Variants in CENPE observed in about 807,000 individuals in gnomAD.
CENPE encodes centromere protein E, also known as centromere-associated protein E.
A neutral mutation model predicts 336.1 loss-of-function variants in CENPE; 145 were observed. The ratio of observed to expected loss-of-function variants is 0.43; its 90% CI spans 0.38 to 0.50. The LOEUF (loss-of-function observed/expected upper bound fraction) is 0.50. CENPE is among the 20% of genes least tolerant of loss of function. The pLI is 0.00. For synonymous variants in CENPE, 1,013 were observed against 984.8 expected (o/e 1.03, Z -0.54); for missense variants, 2,719 against 3,023.3 (o/e 0.90, Z 2.36).
At chr4:103,107,560 T>C (rs760090264) in intron 48 of CENPE, among the ~76,000 whole-genome samples, 1 of 152,180 alleles carries the variant, frequency 6.6e-6, no homozygotes, top group Non-Finnish European at 1.5e-5. Flanking sequence ...CTGTGCACAG[T>C]AGATGCTATG....
intron 42 of CENPE, among the ~76,000 whole-genome samples, chr4:103,123,972 A>G (rs1271927320): frequency 6.6e-6 from 1 of 152,222 alleles, no homozygotes; most frequent in Non-Finnish European, 1.5e-5. Context: ...AGTGCAGTAA[A>G]ATAAGATATT....
chr4:103,182,113 C>T (rs562261336), intron 11 of CENPE: 25 of 147,896 alleles, frequency 1.7e-4, no homozygotes, highest in African/African-American at 6.3e-4. Flanking sequence ...TGTTTTGAGA[C>T]ATAGTTTCGC....
rs1350270226 is a variant in CENPE at position 103,198,265 on chromosome 4, T to C, written c.55A>G (p.Arg19Gly). The change falls in exon 1 of 49, where the codon AGA becomes GGA. Residue 19 changes from arginine to glycine, a missense_variant and splice_region_variant. By Grantham distance (125) the Arg-to-Gly change is moderately radical (BLOSUM62 -2). Transcript: ENST00000265148. ...VCVRVRPLNS[R>G]EESLGETAQV... ...CGGGCCGTGGTGTGGCCCCCCTACC[T>C]GCTGTTCAGCGGCCGCACTCGCACG... is the stretch of plus-strand genomic sequence containing the variant. 1 of 1,550,426 alleles carries C rather than the reference T, an allele frequency of 6.4e-7. No individual in the cohort carries two copies. The highest frequency in any genetic ancestry group is 8.7e-7 in the Non-Finnish European group (1 of 1,146,800).
At position 103,157,433 on chromosome 4, in the gene CENPE, T is replaced by A. The variant is rs111940200; in HGVS notation, c.3033+867A>T. On this transcript the variant is annotated intron_variant, in intron 24 of 48. Transcript: ENST00000265148. ...TAAAAAGGAAGGAAATTCTAACACATGCTACAACATGGATGAAGACATTAT... is the reference window on the plus strand; with the variant it reads ...TAAAAAGGAAGGAAATTCTAACACAAGCTACAACATGGATGAAGACATTAT... Among the ~76,000 whole-genome samples the A allele has an allele frequency of 1.6e-3, 249 of 152,096 alleles. 3 individuals carry two copies. The highest frequency in any genetic ancestry group is 5.6e-3 in the African/African-American group (233 of 41,544).
chr4:103,122,939 C>G lies in CENPE; in HGVS notation c.7075G>C (p.Val2359Leu). 6.2e-7 allele frequency: 1 copy of G among 1,613,902 alleles called. No homozygotes were observed. Among genetic ancestry groups the G allele is most frequent in the Non-Finnish European group, 8.5e-7 (1 of 1,179,878 alleles). ...TTATTGTCTTGTGTGGTAGGATTAA[C>G]CTGGGCACCAGATGCCAAGGAAGTC... ...LKTSLASGAQ[V>L]NPTTQDNKNP... is the part of the protein sequence containing the mutation. Residue 2359 changes from valine to leucine, a missense_variant, in exon 43 of 49, where the codon GTT becomes CTT. Physicochemically the swap from Val to Leu is conservative, Grantham distance 32. Around this residue, in one of 5 missense-constraint regions of CENPE, gnomAD observed 2,437 missense variants for 2,513.3 expected, o/e 0.97. Coordinates refer to ENST00000265148, the MANE Select transcript of CENPE (RefSeq NM_001813.3).
intron 42 of CENPE, among the ~76,000 whole-genome samples, chr4:103,129,355 A>C (rs575332387): frequency 1.7e-4 from 26 of 152,316 alleles, no homozygotes; most frequent in Non-Finnish European, 2.8e-4. Context: ...ATAGAAACGG[A>C]AACTCATTCT....
At chr4:103,176,810 T>G in intron 14 of CENPE, 89 bp downstream of exon 14, 3 of 978,718 alleles carry the variant, frequency 3.1e-6, no homozygotes, top group Non-Finnish European at 4.4e-6. Context: ...TTAAACATGT[T>G]TATCACATTA....
chr4:103,106,930 C>A (rs1346350767), intron 48 of CENPE, among the ~76,000 whole-genome samples: 1 of 152,054 alleles, frequency 6.6e-6, no homozygotes, highest in Non-Finnish European at 1.5e-5. Flanking sequence ...CTGAATTGGT[C>A]AGTTTTTGAT....
chr4:103,140,699 TG>T, intron 36 of CENPE, 114 bp downstream of exon 36: 1 of 810,564 alleles, frequency 1.2e-6, no homozygotes, highest in Non-Finnish European at 1.9e-6. Context: ...TTATTATTGG[TG>T]GACACTTAGA....
Position 103,149,413 on chromosome 4 carries a change from A to G in CENPE, c.3397-5T>C, listed in dbSNP as rs1294813757. Reference sequence around the variant, plus strand: ...TTTTTCTTGGAGTTGCTGGCTCTTAAAATGCACAATTTTTATAATTACCAT... The same window carrying G: ...TTTTTCTTGGAGTTGCTGGCTCTTAGAATGCACAATTTTTATAATTACCAT... On this transcript the variant is annotated splice_region_variant and splice_polypyrimidine_tract_variant and intron_variant, in intron 26 of 48. Coordinates refer to ENST00000265148, the MANE Select transcript of CENPE (RefSeq NM_001813.3). 3.2e-6 allele frequency: 5 copies of G among 1,550,162 alleles called. No individual in the cohort carries two copies. The highest frequency in any genetic ancestry group is 4.4e-5 in the Admixed American group (2 of 45,780).
rs1233441617 is a variant in CENPE at position 103,133,702 on chromosome 4, T to C, written c.6713A>G (p.His2238Arg). The C allele has an allele frequency of 3.2e-6, 5 of 1,583,330 alleles. No homozygotes were observed. The African/African-American group carries it at 4.1e-5, about 13-fold the overall frequency. ...DLKLNQNMDL[H>R]IEEILKDFSE... ...ATTTAAAATAAATTATACCTCAATA[T>C]GTAGATCCATATTCTGGTTCAATTT... Residue 2238 changes from histidine (H) to arginine (R), a missense_variant, in exon 41 of 49, where the codon CAT becomes CGT. Physicochemically the swap from His to Arg is conservative, Grantham distance 29. This residue lies in a region of CENPE where 2,437 missense variants were observed against 2,513.3 expected (regional missense o/e 0.97). Transcript: ENST00000265148.
chr4:103,125,922 A>C (rs1751055574), intron 42 of CENPE, among the ~76,000 whole-genome samples: 1 of 151,908 alleles, frequency 6.6e-6, no homozygotes, highest in Non-Finnish European at 1.5e-5. Context: ...AAAACAAATG[A>C]AAAAAATCCA....
At chr4:103,124,250 T>C (rs1262492495) in intron 42 of CENPE, among the ~76,000 whole-genome samples, 1 of 152,226 alleles carries the variant, frequency 6.6e-6, no homozygotes, top group African/African-American at 2.4e-5. Flanking sequence ...AAGTTCATTA[T>C]TTAGAACATT....
Position 103,108,863 on chromosome 4 carries a change from A to T in CENPE, c.7951T>A (p.Ser2651Thr). ...CGAACTGGATGAGGTGATGGTAAAG[A>T]CTTTGATCGGCTATCAAAAAAACAA... ...KSCFFDSRSKSLPSPHPVRYF... is the reference protein window; with the variant it reads ...KSCFFDSRSKTLPSPHPVRYF... Residue 2651 changes from serine (S) to threonine (T), a missense_variant, in exon 48 of 49, where the codon TCT becomes ACT. This residue lies in a region of CENPE where 2,437 missense variants were observed against 2,513.3 expected (regional missense o/e 0.97). Transcript: ENST00000265148. The T allele has an allele frequency of 1.2e-6, 2 of 1,613,926 alleles. No individual in the cohort carries two copies. Among genetic ancestry groups the T allele is most frequent in the Non-Finnish European group, 1.7e-6 (2 of 1,179,844 alleles).
chr4:103,108,548 T>C (rs1749100511), intron 48 of CENPE, among the ~76,000 whole-genome samples: 1 of 152,008 alleles, frequency 6.6e-6, no homozygotes, highest in Non-Finnish European at 1.5e-5. Flanking sequence ...AGAAAGTTGC[T>C]TGTCTCTCTT....
chr4:103,141,051 G>A lies in CENPE; in HGVS notation c.5517C>T (p.Val1839=). 1.3e-6 allele frequency: 2 copies of A among 1,590,756 alleles called. No homozygotes were observed. The highest frequency in any genetic ancestry group is 1.7e-6 in the Non-Finnish European group (2 of 1,165,910). The change falls in exon 36 of 49, where the codon GTC becomes GTT. Residue 1839 remains valine, a synonymous_variant. Transcript: ENST00000265148. Reference sequence around the variant, plus strand: ...CAGACACTTTTTTCTGTGTCTCATTGACATCTTTTTTTAACGTAATAAGTT... The same window carrying A: ...CAGACACTTTTTTCTGTGTCTCATTAACATCTTTTTTTAACGTAATAAGTT... ...EHQLITLKKD[V]NETQKKVSEM...
chr4:103,172,600 A>T (rs1415568080), intron 16 of CENPE, among the ~76,000 whole-genome samples: 1 of 152,010 alleles, frequency 6.6e-6, no homozygotes, highest in African/African-American at 2.4e-5. Context: ...TTCTAGCTAG[A>T]GCTATTAGGC....
At chr4:103,160,374 T>C (rs1237767282) in intron 21 of CENPE, among the ~76,000 whole-genome samples, 3 of 151,922 alleles carry the variant, frequency 2.0e-5, no homozygotes, top group Admixed American at 6.6e-5. Context: ...ACTACAGAAA[T>C]GGCTGCTACA....
Position 103,159,115 on chromosome 4 carries a change from C to T in CENPE, c.2496G>A (p.Lys832=), listed in dbSNP as rs1352812632. 9 of 1,604,600 alleles carry T rather than the reference C, an allele frequency of 5.6e-6. No individual in the cohort carries two copies. Among genetic ancestry groups the T allele is most frequent in the Non-Finnish European group, 7.6e-6 (9 of 1,176,684 alleles). Residue 832 remains lysine, a synonymous_variant, in exon 22 of 49, where the codon AAG becomes AAA. Coordinates refer to ENST00000265148, the MANE Select transcript of CENPE (RefSeq NM_001813.3). ...CATTCTCCTCAAGGACCATCTTATA[C>T]TTTTGCTCAAAGTCCATATGAAGGG... ...FKTLHMDFEQ[K]YKMVLEENER...
Sources: allele counts gnomAD v4.1 joint callset (sites outside exome capture counted in the v4.1 genomes callset), GRCh38; gene constraint gnomAD v4.1.1; regional missense constraint gnomAD v4.1.1; transcripts MANE v1.5; gene names NCBI Gene and HGNC (gene_info 2026-07-23, HGNC 2026-07-21).